ARMC2: variants seen among roughly 807,000 people sequenced by gnomAD.
ARMC2 encodes armadillo repeat-containing protein 2.
In ARMC2, 67 loss-of-function variants were observed where a neutral mutation model predicts 90.3. The ratio of observed to expected loss-of-function variants is 0.74; its 90% CI spans 0.61 to 0.91. The LOEUF (loss-of-function observed/expected upper bound fraction) is 0.91. ARMC2 is among the 40% of genes least tolerant of loss of function. ARMC2 has a pLI of 0.00. For missense variants in ARMC2, 920 were observed against 1,030.9 expected (o/e 0.89, Z 1.47); for synonymous variants, 393 against 393.0 (o/e 1.00, Z 0.00).
chr6:108,929,130 C>T (rs890889018), intron 11 of ARMC2, among the ~76,000 whole-genome samples: 2 of 151,980 alleles, frequency 1.3e-5, no homozygotes, highest in African/African-American at 4.8e-5. Flanking sequence ...CAGCCCCAGC[C>T]CCCTCCTTCC....
chr6:109,049,384 AG>A, the ARMC2 span, among the ~76,000 whole-genome samples: 2 of 152,118 alleles, frequency 1.3e-5, no homozygotes, highest in African/African-American at 4.8e-5. Context: ...TGGGAAGAGT[AG>A]GGGGAAAGGG....
intron 11 of ARMC2, among the ~76,000 whole-genome samples, chr6:108,929,929 G>A (rs1026622017): frequency 2.0e-5 from 3 of 151,852 alleles, no homozygotes; most frequent in South Asian, 2.1e-4. Context: ...GCAACATGGC[G>A]AAATCCCATC....
rs180755126 is a variant in ARMC2, at chr6:108,952,673, C to T, written c.1597-360C>T. ...GGAAAGATTTGGAATTTCAAGAAAC[C>T]GGCTATTGTCAAAACTTAGATTTAC... On this transcript the variant is annotated intron_variant, in intron 12 of 17. Coordinates refer to ENST00000392644, the MANE Select transcript of ARMC2 (RefSeq NM_032131.6). Among the ~76,000 whole-genome samples, 133 of 151,982 alleles carry T rather than the reference C, an allele frequency of 8.8e-4. 1 individual carries two copies. Among genetic ancestry groups the T allele is most frequent in the African/African-American group, 3.1e-3 (128 of 41,428 alleles).
intron 10 of ARMC2, among the ~76,000 whole-genome samples, chr6:108,918,616 C>A (rs1245374549): frequency 6.6e-6 from 1 of 152,108 alleles, no homozygotes; most frequent in East Asian, 1.9e-4. Context: ...CTGGGGCAGG[C>A]CCAGTGCCGC....
At chr6:108,849,894 C>T (rs1773829640) in intron 1 of ARMC2, among the ~76,000 whole-genome samples, 1 of 152,242 alleles carries the variant, frequency 6.6e-6, no homozygotes, top group East Asian at 1.9e-4. Flanking sequence ...AGTCCAGCAT[C>T]TAAGCACTTA....
chr6:108,900,042 T>C (rs17069967), intron 7 of ARMC2, among the ~76,000 whole-genome samples: 9,978 of 152,216 alleles, frequency 0.066, 720 homozygotes, highest in African/African-American at 0.18. Flanking sequence ...AAAACTTCCC[T>C]TTGTAATATA....
chr6:108,961,914 C>T, intron 14 of ARMC2, 100 bp from the exon 15 acceptor site: 2 of 993,298 alleles, frequency 2.0e-6, no homozygotes, highest in East Asian at 5.3e-5. Context: ...AATTTATTAT[C>T]ATTTGAAAAT....
rs7738527 is a variant in ARMC2 at position 108,932,783 on chromosome 6, C to A, written c.1497-4117C>A. ...GACCTCGTGATCTGCCCGCCTCGGC[C>A]TCCCAAAGTGCTGGGATTACAGGCG... On this transcript the variant is annotated intron_variant, in intron 11 of 17. Coordinates refer to ENST00000392644, the MANE Select transcript of ARMC2 (RefSeq NM_032131.6). Among the ~76,000 whole-genome samples, 1,184 of 152,234 alleles carry A rather than the reference C, an allele frequency of 7.8e-3. 30 individuals are homozygous for A. Among genetic ancestry groups the A allele is most frequent in the African/African-American group, 0.028 (1,156 of 41,528 alleles).
At position 108,964,260 on chromosome 6, in the gene ARMC2, AC is replaced by A. The variant is rs770380242; in HGVS notation, c.2234del (p.Thr745MetfsTer10). ...FSACGVLLNL[T>X]VDKDKRVILK... The stretch of plus-strand genomic sequence containing the variant: ...TGCCTGTGGTGTTCTCCTCAATCTC[AC>A]TGTGGATAAAGACAAGCGTGTCATC... On this transcript the variant is annotated frameshift_variant, in exon 16 of 18. Coordinates refer to ENST00000392644, the MANE Select transcript of ARMC2 (RefSeq NM_032131.6). LOFTEE classifies it high-confidence loss of function. The A allele has an allele frequency of 5.2e-5, 84 of 1,613,774 alleles. 1 individual carries two copies. The highest frequency in any genetic ancestry group is 5.6e-5 in the Non-Finnish European group (66 of 1,179,862).
At chr6:108,943,918 T>C (rs1776628596) in intron 12 of ARMC2, among the ~76,000 whole-genome samples, 1 of 152,224 alleles carries the variant, frequency 6.6e-6, no homozygotes, top group African/African-American at 2.4e-5. Flanking sequence ...TTTTTTTAAA[T>C]TAAAAATAGA....
chr6:108,942,737 AG>A (rs1288655889), intron 12 of ARMC2, among the ~76,000 whole-genome samples: 4 of 152,214 alleles, frequency 2.6e-5, no homozygotes. Context: ...AAGAGTCAGT[AG>A]ACCTTCCCTG....
chr6:108,998,781 T>G, the ARMC2 span: 22 of 1,588,038 alleles, frequency 1.4e-5, no homozygotes, highest in Non-Finnish European at 1.9e-5. Context: ...AAAAAGAATA[T>G]ATTTTTGTAC....
At chr6:108,886,760 A>G (rs1033218651) in intron 5 of ARMC2, among the ~76,000 whole-genome samples, 2 of 152,032 alleles carry the variant, frequency 1.3e-5, no homozygotes, top group African/African-American at 4.8e-5. Flanking sequence ...CACTTGGCCC[A>G]CAAAGTGTGC....
intron 5 of ARMC2, among the ~76,000 whole-genome samples, chr6:108,889,226 A>T (rs1770693633): frequency 6.6e-6 from 1 of 151,942 alleles, no homozygotes; most frequent in African/African-American, 2.4e-5. Context: ...GCTCATTGCA[A>T]CTTCTGCCCC....
chr6:108,985,063 A>G, the ARMC2 span, among the ~76,000 whole-genome samples: 2 of 152,214 alleles, frequency 1.3e-5, no homozygotes, highest in African/African-American at 4.8e-5. Context: ...TGATTCATAT[A>G]TGATATTCAC....
At chr6:108,854,726 A>T (rs184724311) in intron 2 of ARMC2, among the ~76,000 whole-genome samples, 20 of 152,328 alleles carry the variant, frequency 1.3e-4, no homozygotes, top group Non-Finnish European at 2.5e-4. Context: ...ATCGACGAAC[A>T]TACTTTGACA....
downstream of ARMC2, among the ~76,000 whole-genome samples, chr6:108,975,168 C>A (rs1313787105): frequency 6.6e-6 from 1 of 152,046 alleles, no homozygotes; most frequent in Admixed American, 6.6e-5. Flanking sequence ...CCCCAACCCC[C>A]TGATGGACCC....
chr6:109,004,596 A>G, the ARMC2 span, among the ~76,000 whole-genome samples: 1 of 151,552 alleles, frequency 6.6e-6, no homozygotes, highest in Non-Finnish European at 1.5e-5. Context: ...ACACCTGGCT[A>G]ATTTTTTGTA....
At chr6:108,964,034 A>G in intron 15 of ARMC2, 146 bp from the exon 16 acceptor site, 1 of 854,630 alleles carries the variant, frequency 1.2e-6, no homozygotes, top group Non-Finnish European at 1.8e-6. Flanking sequence ...TGTGATGGAT[A>G]AAGCCTTAGG....
Sources: allele counts gnomAD v4.1 joint callset (sites outside exome capture counted in the v4.1 genomes callset), GRCh38; gene constraint gnomAD v4.1.1; transcripts MANE v1.5; gene names NCBI Gene and HGNC (gene_info 2026-07-23, HGNC 2026-07-21).